The following RELN variants were observed in gnomAD, a reference collection of about 807,000 sequenced individuals.
The protein encoded by RELN is reelin.
In RELN, 108 loss-of-function variants were observed where a neutral mutation model predicts 427.6. The observed-to-expected ratio is 0.25, with a 90% confidence interval of 0.22 to 0.30. RELN has a LOEUF of 0.30. Among genes scored for constraint, RELN ranks in the 10% least tolerant of loss-of-function variants. RELN has a pLI of 1.00. For missense variants in RELN, 3,715 were observed against 4,302.8 expected (o/e 0.86, Z 3.82); for synonymous variants, 1,524 against 1,513.4 (o/e 1.01, Z -0.16).
intron 3 of RELN, among the ~76,000 whole-genome samples, chr7:103,800,617 C>A (rs1459816955): frequency 6.6e-6 from 1 of 152,068 alleles, no homozygotes; most frequent in Non-Finnish European, 1.5e-5. Flanking sequence ...GACCTAAAAC[C>A]ATAAAAACCC....
Position 103,557,122 on chromosome 7 carries a change from G to T in RELN, c.5652C>A (p.Phe1884Leu), listed in dbSNP as rs147672691. Residue 1884 changes from phenylalanine to leucine, a missense_variant, in exon 38 of 65, where the codon TTC becomes TTA. This residue lies in a region of RELN where 2,208 missense variants were observed against 2,361.7 expected (regional missense o/e 0.93). Transcript: ENST00000428762. The part of the protein sequence containing the change: ...PERSHSILLQ[F>L]SISGGITWHL... ...GCCAAGTGATTCCTCCACTGATGGAGAATTGTAACAGAATAGAGTGAGATC... is the reference window on the plus strand; with the variant it reads ...GCCAAGTGATTCCTCCACTGATGGATAATTGTAACAGAATAGAGTGAGATC... 1 of 1,613,604 alleles carries T rather than the reference G, an allele frequency of 6.2e-7. No homozygotes were observed. The highest frequency in any genetic ancestry group is 1.1e-5 in the South Asian group (1 of 91,076).
chr7:103,969,820 C>T (rs1796727131), intron 1 of RELN, among the ~76,000 whole-genome samples: 1 of 152,156 alleles, frequency 6.6e-6, no homozygotes, highest in Admixed American at 6.5e-5. Context: ...CATTTATTAT[C>T]GTGTCACTAT....
intron 2 of RELN, among the ~76,000 whole-genome samples, chr7:103,912,542 A>G (rs1795393290): frequency 6.6e-6 from 1 of 152,088 alleles, no homozygotes; most frequent in Non-Finnish European, 1.5e-5. Flanking sequence ...TTACAGAACA[A>G]AGAAATGAAA....
chr7:103,683,484 T>C (rs904355672), intron 10 of RELN, among the ~76,000 whole-genome samples: 5 of 152,152 alleles, frequency 3.3e-5, no homozygotes, highest in African/African-American at 1.2e-4. Context: ...TTTCAGTAAA[T>C]GACAGACCGC....
At chr7:103,590,603 T>TAA (rs1831391074) in intron 27 of RELN, among the ~76,000 whole-genome samples, 1 of 142,002 alleles carries the variant, frequency 7.0e-6, no homozygotes, top group Admixed American at 6.9e-5. Context: ...TAAATAAATA[T>TAA]AAAATAAAAT....
At chr7:103,890,516 C>T (rs13236155) in intron 2 of RELN, among the ~76,000 whole-genome samples, 78,646 of 151,880 alleles carry the variant, frequency 0.52, 21,267 homozygotes, top group East Asian at 0.77. Context: ...GTACTCCTTA[C>T]GAGACTCGAA....
In RELN at chr7:103,540,374, A is replaced by G. The variant is rs886160198; in HGVS notation, c.6753T>C (p.Ser2251=). The change falls in exon 44 of 65, where the codon TCT becomes TCC. Residue 2251 remains serine, a synonymous_variant. Coordinates refer to ENST00000428762, the MANE Select transcript of RELN (RefSeq NM_005045.4). ...GACTCCACGAGAGGCCACCGTTGAG[A>G]GAATACTGTAGGAGCACGGGTTGAC... is the stretch of plus-strand genomic sequence containing the variant. ...PRSQPVLLQY[S]LNGGLSWSLL... is the part of the protein sequence containing the mutation. 2 of 1,614,062 alleles carry G rather than the reference A, an allele frequency of 1.2e-6. No individual in the cohort carries two copies. The highest frequency in any genetic ancestry group is 2.7e-5 in the African/African-American group (2 of 74,932).
intron 52 of RELN, 67 bp from the exon 53 acceptor site, chr7:103,500,989 C>G: frequency 7.2e-7 from 1 of 1,390,020 alleles, no homozygotes. Context: ...CATTGTCCTG[C>G]ATGTGTATTC....
intron 1 of RELN, among the ~76,000 whole-genome samples, chr7:103,924,985 TACACATACAC>T (rs61465163): frequency 0.15 from 20,048 of 137,336 alleles, 1,863 homozygotes; most frequent in Non-Finnish European, 0.2. Context: ...TGCATGCGCA[TACACATACAC>T]ACACACACAC....
At chr7:103,535,559 GTGTA>G in intron 45 of RELN, 75 bp from the exon 46 acceptor site, 1 of 1,402,352 alleles carries the variant, frequency 7.1e-7, no homozygotes. Flanking sequence ...TATCACATTT[GTGTA>G]TGTTTTAGTT....
chr7:103,708,507 A>G (rs140261131), intron 8 of RELN, among the ~76,000 whole-genome samples: 2,236 of 125,194 alleles, frequency 0.018, 37 homozygotes, highest in Middle Eastern at 0.042. Context: ...TGTGTCTCCC[A>G]GGTTGGACTG....
At chr7:103,878,906 G>A (rs921167628) in intron 2 of RELN, among the ~76,000 whole-genome samples, 8 of 152,086 alleles carry the variant, frequency 5.3e-5, no homozygotes, top group African/African-American at 1.7e-4. Context: ...TCAGAGTTTG[G>A]TTCTACTCTT....
intron 20 of RELN, among the ~76,000 whole-genome samples, chr7:103,619,282 T>A (rs1202835205): frequency 6.6e-6 from 1 of 152,148 alleles, no homozygotes; most frequent in Non-Finnish European, 1.5e-5. Flanking sequence ...ACAATGGCCA[T>A]GATGACCACA....
chr7:103,588,972 T>TG (rs34642434), intron 28 of RELN, among the ~76,000 whole-genome samples: 1 of 59,862 alleles, frequency 1.7e-5, no homozygotes, highest in African/African-American at 6.2e-5. Context: ...GTTTCATGCA[T>TG]TTTTTTTGCA....
chr7:103,761,479 T>C (rs1791296683), intron 4 of RELN, among the ~76,000 whole-genome samples: 1 of 152,100 alleles, frequency 6.6e-6, no homozygotes, highest in African/African-American at 2.4e-5. Context: ...TTTGAGAGAG[T>C]GTCTCGCTCT....
chr7:103,643,071 T>C (rs995817344), intron 16 of RELN, among the ~76,000 whole-genome samples: 4 of 152,126 alleles, frequency 2.6e-5, no homozygotes, highest in African/African-American at 9.6e-5. Context: ...CATCAGCAAA[T>C]TATCTTGTCT....
At chr7:103,696,976 C>T (rs1283848257) in intron 10 of RELN, among the ~76,000 whole-genome samples, 1 of 152,158 alleles carries the variant, frequency 6.6e-6, no homozygotes, top group African/African-American at 2.4e-5. Flanking sequence ...ATGTGTTAGA[C>T]AACTATTCTG....
Position 103,652,595 on chromosome 7 carries a change from C to A in RELN, c.1719G>T (p.Gln573His). ...TTCCACATCCCAGATTGATGGAAAA[C>A]TGTATCATGTGAGACATTGTAGAAG... ...VLPSTMSHMI[Q>H]FSINLGCGTH... The change falls in exon 14 of 65, where the codon CAG (glutamine) becomes CAT (histidine). Residue 573 changes from glutamine (Q) to histidine (H), a missense_variant. By Grantham distance (24) the Gln-to-His change is conservative (BLOSUM62 0). Transcript: ENST00000428762. 1.2e-6 allele frequency: 2 copies of A among 1,612,864 alleles called. No individual in the cohort carries two copies. The highest frequency in any genetic ancestry group is 1.7e-6 in the Non-Finnish European group (2 of 1,179,278).
chr7:103,755,610 A>C (rs1277512777), intron 4 of RELN, among the ~76,000 whole-genome samples: 2 of 71,498 alleles, frequency 2.8e-5, no homozygotes, highest in African/African-American at 1.2e-4. Flanking sequence ...TCTGTCTCAA[A>C]AAAAAAATAA....
Sources: gnomAD v4.1 joint callset for allele counts (sites outside exome capture counted in the v4.1 genomes callset) on GRCh38, gnomAD v4.1.1 for gene constraint, gnomAD v4.1.1 regional missense constraint, MANE v1.5 for transcripts, NCBI Gene and HGNC (gene_info 2026-07-23, HGNC 2026-07-21) for gene names.